Variants in PCDHGA1 observed in about 807,000 individuals in gnomAD.
PCDHGA1 encodes protocadherin gamma subfamily A, 1, also known as protocadherin gamma-A1.
PCDHGA1 carries 32 observed loss-of-function variants against 58.0 expected under a neutral mutation model. The ratio of observed to expected loss-of-function variants is 0.55; its 90% CI spans 0.42 to 0.74. The LOEUF is 0.74. Ranked by LOEUF, PCDHGA1 falls within the 30% of genes least tolerant of loss-of-function variation. The pLI is 0.00. For missense variants in PCDHGA1, 1,205 were observed against 1,182.3 expected (o/e 1.02, Z -0.28); for synonymous variants, 498 against 501.1 (o/e 0.99, Z 0.08).
chr5:141,490,585 G>C lies in PCDHGA1; in HGVS notation c.2422-4222G>C. On this transcript the variant is annotated intron_variant, in intron 1 of 3. Transcript: ENST00000517417. The surrounding 1 kb of genome is among the most constrained non-coding windows in gnomAD (Gnocchi z 5.4). Reference sequence around the variant, plus strand: ...CAGGCTCAACATTTCAGATGTCAATGACAATGCACCCCGCTTCAACCAGCA... The same window carrying C: ...CAGGCTCAACATTTCAGATGTCAATCACAATGCACCCCGCTTCAACCAGCA... The C allele has an allele frequency of 6.2e-7, 1 of 1,614,142 alleles. No homozygotes were observed. Among genetic ancestry groups the C allele is most frequent in the South Asian group, 1.1e-5 (1 of 91,078 alleles).
At chr5:141,435,215 C>G (rs4912753) in intron 1 of PCDHGA1, among the ~76,000 whole-genome samples, 81,908 of 151,924 alleles carry the variant, frequency 0.54, 24,122 homozygotes, top group African/African-American at 0.79. Flanking sequence ...AGTGAATTTA[C>G]TTTCTTTCAA....
chr5:141,432,069 A>T lies in PCDHGA1; in HGVS notation c.2422-62738A>T. ...ACCCCGCCCCTATCCACGGAAACTC[A>T]TATCTCGCTGAACGTGGCAGACACC... is the stretch of plus-strand genomic sequence containing the variant. On this transcript the variant is annotated intron_variant, in intron 1 of 3. Coordinates refer to ENST00000517417, the MANE Select transcript of PCDHGA1 (RefSeq NM_018912.3). This position sits in a 1 kb window ranked among gnomAD's most constrained non-coding sequence, Gnocchi z 6.0. The T allele has an allele frequency of 6.2e-7, 1 of 1,614,168 alleles. No homozygotes were observed. The highest frequency in any genetic ancestry group is 8.5e-7 in the Non-Finnish European group (1 of 1,180,038).
rs1312182657 is a variant in PCDHGA1 at position 141,406,777 on chromosome 5, CTT to C, written c.2421+73673_2421+73674del. Among the ~76,000 whole-genome samples the C allele has an allele frequency of 2.0e-5, 3 of 152,268 alleles. No individual in the cohort carries two copies. The East Asian group carries it at 5.8e-4, about 29-fold the overall frequency. On this transcript the variant is annotated intron_variant, in intron 1 of 3. Coordinates refer to ENST00000517417, the MANE Select transcript of PCDHGA1 (RefSeq NM_018912.3). ...CAAGGAATTAAAAATATTTCTCTCA[CTT>C]ATATATTATTTCTGGCTCAATTCTC...
intron 1 of PCDHGA1, chr5:141,341,097 T>A: frequency 1.2e-6 from 2 of 1,614,220 alleles, no homozygotes; most frequent in Non-Finnish European, 1.7e-6. Flanking sequence ...GCCTTCGTCA[T>A]CGTGTTGCTG....
At position 141,371,103 on chromosome 5, in the gene PCDHGA1, G is replaced by T. The variant is rs1232346882; in HGVS notation, c.2421+37998G>T. The stretch of plus-strand genomic sequence containing the variant: ...CAGGGTAATTGTCGCAGATGCAAAT[G>T]ATAACCCCCCAGTATTTACTCAGGA... On this transcript the variant is annotated intron_variant, in intron 1 of 3. Transcript: ENST00000517417. 4 of 1,613,708 alleles carry T rather than the reference G, an allele frequency of 2.5e-6. No individual in the cohort carries two copies. The African/African-American group carries it at 5.3e-5, about 22-fold the overall frequency.
At chr5:141,388,728 A>G (rs377444638) in intron 1 of PCDHGA1, 11 of 1,613,902 alleles carry the variant, frequency 6.8e-6, no homozygotes, top group Admixed American at 1.7e-5. Flanking sequence ...TTTCTCTTTC[A>G]GTGAAGCTAG....
At chr5:141,465,323 G>A (rs757662972) in intron 1 of PCDHGA1, among the ~76,000 whole-genome samples, 1 of 152,138 alleles carries the variant, frequency 6.6e-6, no homozygotes, top group Non-Finnish European at 1.5e-5. Flanking sequence ...TGTCAATGCA[G>A]TATTTTTTAT....
At chr5:141,507,443 G>A (rs2099860678) in intron 3 of PCDHGA1, among the ~76,000 whole-genome samples, 2 of 152,200 alleles carry the variant, frequency 1.3e-5, no homozygotes. Flanking sequence ...TACAGCTGAC[G>A]GAAGGACAGA....
intron 1 of PCDHGA1, chr5:141,405,207 C>A (rs767001796): frequency 6.2e-7 from 1 of 1,613,292 alleles, no homozygotes; most frequent in Non-Finnish European, 8.5e-7. Flanking sequence ...TTCCTACAGA[C>A]CTATTCTCAG....
rs183723314 is a variant in PCDHGA1 at position 141,375,046 on chromosome 5, C to T, written c.2421+41941C>T. The T allele has an allele frequency of 2.1e-4, 333 of 1,613,912 alleles. 2 individuals are homozygous for T. The African/African-American group carries it at 4.0e-3, about 19-fold the overall frequency. The stretch of plus-strand genomic sequence containing the variant: ...GTTTTTATGAGCTGGGTGTTGAAGC[C>T]CGGGATGGGCCAGGTCTTCGAGACA... On this transcript the variant is annotated intron_variant, in intron 1 of 3. Coordinates refer to ENST00000517417, the MANE Select transcript of PCDHGA1 (RefSeq NM_018912.3).
intron 1 of PCDHGA1, among the ~76,000 whole-genome samples, chr5:141,447,082 T>A (rs1259827606): frequency 6.6e-6 from 1 of 152,156 alleles, no homozygotes; most frequent in Non-Finnish European, 1.5e-5. Flanking sequence ...ATTTTTGTTG[T>A]TTAATTTTCT....
chr5:141,408,144 G>T (rs868032463), intron 1 of PCDHGA1: 1 of 1,496,068 alleles, frequency 6.7e-7, no homozygotes, highest in South Asian at 1.3e-5. Context: ...CTTTTAGCGC[G>T]GTAGAGTGCA....
intron 1 of PCDHGA1, among the ~76,000 whole-genome samples, chr5:141,368,397 A>C (rs1389287908): frequency 1.3e-5 from 2 of 152,166 alleles, no homozygotes; most frequent in African/African-American, 4.8e-5. Flanking sequence ...ACACACAAAC[A>C]CACATACATA....
Position 141,331,620 on chromosome 5 carries a change from C to T in PCDHGA1, c.936C>T (p.Tyr312=), listed in dbSNP as rs1561471433. 1.2e-6 allele frequency: 2 copies of T among 1,614,044 alleles called. No individual in the cohort carries two copies. The highest frequency in any genetic ancestry group is 1.7e-6 in the Non-Finnish European group (2 of 1,180,010). Residue 312 remains tyrosine (Y), a synonymous_variant, in exon 1 of 4, where the codon TAC becomes TAT. Coordinates refer to ENST00000517417, the MANE Select transcript of PCDHGA1 (RefSeq NM_018912.3). ...SNKEPLDFEE[Y]KMYSMEVQAQ... ...AAGAACCACTAGATTTCGAAGAATA[C>T]AAAATGTATTCAATGGAAGTTCAAG...
chr5:141,481,901 G>A (rs1297925755), intron 1 of PCDHGA1, among the ~76,000 whole-genome samples: 2 of 125,298 alleles, frequency 1.6e-5, no homozygotes, highest in Non-Finnish European at 3.2e-5. Context: ...GTGAAAGAGC[G>A]AAACTCCATC....
Position 141,491,340 on chromosome 5 carries a change from C to T in PCDHGA1, c.2422-3467C>T, listed in dbSNP as rs772328241. The T allele has an allele frequency of 3.7e-6, 6 of 1,614,144 alleles. No individual in the cohort carries two copies. The Admixed American group carries it at 6.7e-5, about 18-fold the overall frequency. ...TTTACCTCATTGTGGCTCTAGCGAC[C>T]GTCAGTCTCTTATCCCTAGTCACCT... On this transcript the variant is annotated intron_variant, in intron 1 of 3. Transcript: ENST00000517417. This position sits in a 1 kb window ranked among gnomAD's most constrained non-coding sequence, Gnocchi z 6.9.
In PCDHGA1 at chr5:141,477,500, T is replaced by C. The variant is rs757547508; in HGVS notation, c.2422-17307T>C. The C allele has an allele frequency of 3.1e-6, 5 of 1,614,156 alleles. No homozygotes were observed. Among genetic ancestry groups the C allele is most frequent in the Non-Finnish European group, 4.2e-6 (5 of 1,180,026 alleles). ...CCCTCCACAATCTTCTCAATCTTCC[T>C]ACGACGTTTACATTGAAGAAAACAA... On this transcript the variant is annotated intron_variant, in intron 1 of 3. Coordinates refer to ENST00000517417, the MANE Select transcript of PCDHGA1 (RefSeq NM_018912.3). This position sits in a 1 kb window ranked among gnomAD's most constrained non-coding sequence, Gnocchi z 4.9.
chr5:141,504,824 C>T (rs537283013), intron 2 of PCDHGA1, among the ~76,000 whole-genome samples: 4 of 152,230 alleles, frequency 2.6e-5, no homozygotes, highest in South Asian at 4.1e-4. Context: ...TAGGTCCCCA[C>T]TTTTTCTCTA....
intron 1 of PCDHGA1, chr5:141,383,273 A>C: frequency 6.2e-7 from 1 of 1,613,960 alleles, no homozygotes; most frequent in Non-Finnish European, 8.5e-7. Flanking sequence ...GAAATAATAG[A>C]TATTAATGAC....
Sources: gnomAD v4.1 joint callset for allele counts (sites outside exome capture counted in the v4.1 genomes callset) on GRCh38, gnomAD v4.1.1 for gene constraint, Gnocchi (gnomAD v3.1) non-coding constraint, MANE v1.5 for transcripts, NCBI Gene and HGNC (gene_info 2026-07-23, HGNC 2026-07-21) for gene names.